TTC28: variants seen among roughly 807,000 people sequenced by gnomAD.
TTC28 encodes tetratricopeptide repeat protein 28.
TTC28 carries 61 observed loss-of-function variants against 198.0 expected under a neutral mutation model. The ratio of observed to expected loss-of-function variants is 0.31; its 90% CI spans 0.25 to 0.38. The LOEUF (loss-of-function observed/expected upper bound fraction) is 0.38. Among genes scored for constraint, TTC28 ranks in the 10% least tolerant of loss-of-function variants. TTC28 has a pLI of 1.00. For synonymous variants in TTC28, 1,171 were observed against 1,297.8 expected, an observed-to-expected ratio of 0.90 and a Z score of 2.10; for missense variants, 2,678 against 3,164.0, an observed-to-expected ratio of 0.85 and a Z score of 3.69.
At chr22:28,191,704 T>C (rs908463345) in intron 5 of TTC28, among the ~76,000 whole-genome samples, 1 of 152,094 alleles carries the variant, frequency 6.6e-6, no homozygotes, top group African/African-American at 2.4e-5. Flanking sequence ...AGCGCAGCAG[T>C]CTGAGATCAA....
intron 6 of TTC28, among the ~76,000 whole-genome samples, chr22:28,154,819 T>C (rs966332858): frequency 6.6e-5 from 10 of 152,216 alleles, no homozygotes; most frequent in African/African-American, 1.7e-4. Context: ...ATAATAAATA[T>C]TAGTACATGC....
At chr22:28,040,145 T>A (rs1939556334) in intron 12 of TTC28, among the ~76,000 whole-genome samples, 1 of 152,160 alleles carries the variant, frequency 6.6e-6, no homozygotes, top group Non-Finnish European at 1.5e-5. Flanking sequence ...CACAGCCAAA[T>A]TCTACCAGCA....
At chr22:28,259,261 A>T (rs1172728956) in intron 5 of TTC28, among the ~76,000 whole-genome samples, 1 of 152,184 alleles carries the variant, frequency 6.6e-6, no homozygotes, top group African/African-American at 2.4e-5. Flanking sequence ...AAGTCATCAT[A>T]GACTGTTCCT....
chr22:28,247,580 T>A (rs552831932), intron 5 of TTC28, among the ~76,000 whole-genome samples: 1 of 152,112 alleles, frequency 6.6e-6, no homozygotes, highest in Non-Finnish European at 1.5e-5. Flanking sequence ...ACAGACGACA[T>A]CTCACCATTC....
At chr22:28,501,215 AAAAC>A (rs2048533987) in intron 2 of TTC28, among the ~76,000 whole-genome samples, 4 of 152,182 alleles carry the variant, frequency 2.6e-5, no homozygotes, top group Admixed American at 2.6e-4. Flanking sequence ...AATCATCAGA[AAAAC>A]AAACATTTAT....
At chr22:28,546,501 T>C (rs1379947447) in intron 2 of TTC28, among the ~76,000 whole-genome samples, 2 of 152,158 alleles carry the variant, frequency 1.3e-5, no homozygotes, top group African/African-American at 4.8e-5. Context: ...TTGGAGAAGA[T>C]ATCAAGTAAC....
intron 2 of TTC28, among the ~76,000 whole-genome samples, chr22:28,601,360 T>C (rs2050635915): frequency 6.6e-6 from 1 of 152,098 alleles, no homozygotes; most frequent in African/African-American, 2.4e-5. Context: ...GCCCTCCATA[T>C]CCATGGGTTC....
intron 1 of TTC28, among the ~76,000 whole-genome samples, chr22:28,672,904 T>G (rs1056018347): frequency 2.0e-5 from 3 of 152,224 alleles, no homozygotes; most frequent in Non-Finnish European, 2.9e-5. Context: ...TTTACAAGAT[T>G]AATAGCGTAA....
At chr22:28,193,246 T>G (rs193266715) in intron 5 of TTC28, among the ~76,000 whole-genome samples, 2 of 152,314 alleles carry the variant, frequency 1.3e-5, no homozygotes, top group Admixed American at 1.3e-4. Flanking sequence ...TGAGAGATTT[T>G]GTCACCAGCA....
chr22:28,600,658 A>C (rs1293670264), intron 2 of TTC28, among the ~76,000 whole-genome samples: 1 of 152,226 alleles, frequency 6.6e-6, no homozygotes, highest in African/African-American at 2.4e-5. Flanking sequence ...TACACATATA[A>C]CAACCAACCC....
chr22:28,589,298 G>T (rs776866399), intron 2 of TTC28, among the ~76,000 whole-genome samples: 1 of 152,160 alleles, frequency 6.6e-6, no homozygotes, highest in Non-Finnish European at 1.5e-5. Flanking sequence ...AGGCCAAACA[G>T]AAATGGAGTC....
At chr22:28,524,417 G>A (rs1012238047) in intron 2 of TTC28, among the ~76,000 whole-genome samples, 7 of 145,960 alleles carry the variant, frequency 4.8e-5, no homozygotes, top group East Asian at 2.0e-4. Context: ...CCGAGATCGC[G>A]CCACTGCACT....
At chr22:28,301,949 A>T (rs2045036203) in intron 3 of TTC28, among the ~76,000 whole-genome samples, 1 of 152,030 alleles carries the variant, frequency 6.6e-6, no homozygotes, top group Non-Finnish European at 1.5e-5. Flanking sequence ...AGGTGGAAGG[A>T]TCACCTGAGC....
chr22:27,983,620 C>T lies in TTC28; in HGVS notation c.6047G>A (p.Gly2016Asp). The change falls in exon 23 of 23, where the codon GGC (glycine) becomes GAC (aspartate). Residue 2016 changes from glycine to aspartate, a missense_variant. Around this residue, in one of 8 missense-constraint regions of TTC28, gnomAD observed 622 missense variants for 656.0 expected, o/e 0.95. Coordinates refer to ENST00000397906, the MANE Select transcript of TTC28 (RefSeq NM_001145418.2). ...GTCATGGTCCTGCCGTCCTCCGGGG[C>T]CTCCACCCTCTGATCCACCCTCGGG... is the stretch of plus-strand genomic sequence containing the variant. ...SKPEGGSEGGGPGGRQDHDRS... is the reference protein window; with the variant it reads ...SKPEGGSEGGDPGGRQDHDRS... 1 of 1,543,702 alleles carries T rather than the reference C, an allele frequency of 6.5e-7. No homozygotes were observed. Among genetic ancestry groups the T allele is most frequent in the Non-Finnish European group, 8.7e-7 (1 of 1,143,224 alleles).
chr22:28,130,024 G>A (rs1601356038), intron 6 of TTC28, among the ~76,000 whole-genome samples: 1 of 152,048 alleles, frequency 6.6e-6, no homozygotes, highest in Non-Finnish European at 1.5e-5. Context: ...TCCTTAACAT[G>A]GTTTTGGGAA....
chr22:28,032,220 AAT>A lies in TTC28; in HGVS notation c.3933-1856_3933-1855del, dbSNP rs1325705476. Among the ~76,000 whole-genome samples, 129 of 107,308 alleles carry A rather than the reference AAT, an allele frequency of 1.2e-3. 2 individuals carry two copies. Among genetic ancestry groups the A allele is most frequent in the African/African-American group, 3.9e-3 (96 of 24,332 alleles). 70.4% of individuals were successfully genotyped at this position (107,308 alleles called of 152,430 possible). ...ATATATATAAAATATATATATATAAAATATATATATATAAAATATATATATAT... is the reference window on the plus strand; with the variant it reads ...ATATATATAAAATATATATATATAAAATATATATATAAAATATATATATAT... On this transcript the variant is annotated intron_variant, in intron 12 of 22. Transcript: ENST00000397906.
chr22:28,170,693 C>T (rs1262986855), intron 5 of TTC28, among the ~76,000 whole-genome samples: 2 of 152,102 alleles, frequency 1.3e-5, no homozygotes, highest in African/African-American at 4.8e-5. Context: ...CGAAGGCTCA[C>T]TGGAGAGGGT....
chr22:28,503,382 G>A lies in TTC28; in HGVS notation c.381+126170C>T, dbSNP rs556572769. On this transcript the variant is annotated intron_variant, in intron 2 of 22. Coordinates refer to ENST00000397906, the MANE Select transcript of TTC28 (RefSeq NM_001145418.2). ...TATCTGGCTCCCTCTTAGGATATAT[G>A]TACCATGGGTTTTCGTATCTTTACC... is the stretch of plus-strand genomic sequence containing the variant. Among the ~76,000 whole-genome samples the A allele has an allele frequency of 2.7e-4, 41 of 152,250 alleles. No homozygotes were observed. The South Asian group carries it at 8.1e-3, about 30-fold the overall frequency.
chr22:28,369,610 C>A (rs2145985480), intron 2 of TTC28, among the ~76,000 whole-genome samples: 1 of 152,262 alleles, frequency 6.6e-6, no homozygotes, highest in Non-Finnish European at 1.5e-5. Flanking sequence ...ATTCATGCTT[C>A]ATTTAAAATA....
Sources: gnomAD v4.1 joint callset for allele counts (sites outside exome capture counted in the v4.1 genomes callset) on GRCh38, gnomAD v4.1.1 for gene constraint, gnomAD v4.1.1 regional missense constraint, MANE v1.5 for transcripts, NCBI Gene and HGNC (gene_info 2026-07-23, HGNC 2026-07-21) for gene names.